Variants in FGF1 observed in about 807,000 individuals in gnomAD.
FGF1 encodes fibroblast growth factor 1.
Under a neutral mutation model 13.4 loss-of-function variants are expected in FGF1, and 9 were observed. The ratio of observed to expected loss-of-function variants is 0.67; its 90% CI spans 0.40 to 1.17. The LOEUF (loss-of-function observed/expected upper bound fraction) is 1.17. Among genes scored for constraint, FGF1 ranks in the 50% most tolerant of loss-of-function variants. FGF1 has a pLI of 0.01. For missense variants in FGF1, 156 were observed against 192.7 expected, an observed-to-expected ratio of 0.81 and a Z score of 1.13; for synonymous variants, 93 against 79.0, an observed-to-expected ratio of 1.18 and a Z score of -0.94.
At chr5:142,599,458 A>C (rs555275739) in intron 3 of FGF1, among the ~76,000 whole-genome samples, 1 of 152,156 alleles carries the variant, frequency 6.6e-6, no homozygotes, top group African/African-American at 2.4e-5. Context: ...ATTCGATGTA[A>C]GTTGAAGCTC....
intron 1 of FGF1, among the ~76,000 whole-genome samples, chr5:142,616,316 A>T (rs1190308687): frequency 6.6e-6 from 1 of 152,146 alleles, no homozygotes; most frequent in African/African-American, 2.4e-5. Context: ...CCCTGGTTTC[A>T]ACTAGTGTTG....
intron 3 of FGF1, among the ~76,000 whole-genome samples, chr5:142,599,222 C>T (rs1352127467): frequency 6.6e-6 from 1 of 152,204 alleles, no homozygotes; most frequent in Non-Finnish European, 1.5e-5. Context: ...TTTACTACCA[C>T]TTGGAAGAAC....
At chr5:142,616,047 T>C (rs925724692) in intron 1 of FGF1, among the ~76,000 whole-genome samples, 2 of 152,180 alleles carry the variant, frequency 1.3e-5, no homozygotes, top group East Asian at 3.9e-4. Flanking sequence ...CCCCAGCAGC[T>C]TCGTGAGCAT....
chr5:142,614,220 T>G lies in FGF1; in HGVS notation c.-34-59A>C, dbSNP rs561938115. On this transcript the variant is annotated intron_variant, in intron 1 of 3. Coordinates refer to ENST00000337706, the MANE Select transcript of FGF1 (RefSeq NM_000800.5). Reference sequence around the variant, plus strand: ...TTCCAGCAAAGGCACAAAATGCACTTTGAAGAGAGGAAGGACAGCTCCAGG... The same window carrying G: ...TTCCAGCAAAGGCACAAAATGCACTGTGAAGAGAGGAAGGACAGCTCCAGG... 5.2e-5 allele frequency: 72 copies of G among 1,393,792 alleles called. No individual in the cohort carries two copies. The East Asian group carries it at 1.5e-3, about 29-fold the overall frequency. 86.3% of individuals were successfully genotyped at this position (1,393,792 alleles called of 1,614,324 possible). A position where few individuals can be genotyped will look rare whatever the true frequency, so the allele number is the denominator to read the frequency against.
chr5:142,606,352 A>G (rs1430635202), intron 2 of FGF1, among the ~76,000 whole-genome samples: 1 of 151,874 alleles, frequency 6.6e-6, no homozygotes, highest in Non-Finnish European at 1.5e-5. Flanking sequence ...GATGAAAATC[A>G]TATTAAAAAA....
At chr5:142,600,988 G>A in intron 2 of FGF1, 183 bp from the exon 3 acceptor site, 1 of 633,194 alleles carries the variant, frequency 1.6e-6, no homozygotes, top group South Asian at 1.6e-5. Flanking sequence ...TCCAAAGAAA[G>A]CTGTCCATTG....
intron 1 of FGF1, among the ~76,000 whole-genome samples, chr5:142,642,768 T>A (rs1765402607): frequency 6.6e-6 from 1 of 152,134 alleles, no homozygotes; most frequent in African/African-American, 2.4e-5. Context: ...CTTTTTGAAA[T>A]ATGTTTGGCT....
intron 1 of FGF1, among the ~76,000 whole-genome samples, chr5:142,651,164 T>C (rs1453284201): frequency 6.6e-6 from 1 of 151,974 alleles, no homozygotes; most frequent in Non-Finnish European, 1.5e-5. Flanking sequence ...CCTGGTATCT[T>C]TCCTCCCTGG....
chr5:142,674,496 A>G (rs1772113343), intron 1 of FGF1, among the ~76,000 whole-genome samples: 1 of 152,206 alleles, frequency 6.6e-6, no homozygotes, highest in Admixed American at 6.5e-5. Flanking sequence ...CCCTAGTGTT[A>G]CTGTGCAAGT....
At chr5:142,687,433 A>G (rs973911605), upstream of FGF1, among the ~76,000 whole-genome samples, 2 of 152,254 alleles carry the variant, frequency 1.3e-5, no homozygotes, top group African/African-American at 2.4e-5. Context: ...ACGGATAAGC[A>G]GCAGCTCCCA....
At chr5:142,669,924 G>A (rs576017325) in intron 1 of FGF1, among the ~76,000 whole-genome samples, 2 of 152,262 alleles carry the variant, frequency 1.3e-5, no homozygotes, top group South Asian at 2.1e-4. Context: ...GGGGAGAAGA[G>A]GCACAGTCAG....
At chr5:142,634,361 G>A (rs553709041) in intron 1 of FGF1, among the ~76,000 whole-genome samples, 2 of 152,342 alleles carry the variant, frequency 1.3e-5, no homozygotes, top group East Asian at 3.9e-4. Context: ...TAAGAATCCA[G>A]CCAGTCTCCC....
chr5:142,684,299 A>G (rs1447174489), intron 1 of FGF1, among the ~76,000 whole-genome samples: 5 of 152,126 alleles, frequency 3.3e-5, no homozygotes, highest in Non-Finnish European at 4.4e-5. Context: ...GGTGCTACTC[A>G]CCTGTAAAGT....
chr5:142,612,763 C>A (rs1300448591), intron 2 of FGF1, among the ~76,000 whole-genome samples: 1 of 152,142 alleles, frequency 6.6e-6, no homozygotes, highest in Non-Finnish European at 1.5e-5. Context: ...TGCTCCTCAT[C>A]TCCAGGGTCT....
At chr5:142,667,643 C>A (rs1269943614) in intron 1 of FGF1, among the ~76,000 whole-genome samples, 1 of 151,672 alleles carries the variant, frequency 6.6e-6, no homozygotes, top group Non-Finnish European at 1.5e-5. Flanking sequence ...GGCTTTTAGT[C>A]CCTCGCAGGC....
intron 1 of FGF1, among the ~76,000 whole-genome samples, chr5:142,623,949 C>T (rs1490888590): frequency 5.3e-5 from 8 of 151,638 alleles, no homozygotes; most frequent in Non-Finnish European, 8.8e-5. Context: ...GACAGAGTTT[C>T]GCTCTTGTTG....
chr5:142,617,271 A>G (rs1760454527), intron 1 of FGF1, among the ~76,000 whole-genome samples: 1 of 152,164 alleles, frequency 6.6e-6, no homozygotes, highest in African/African-American at 2.4e-5. Flanking sequence ...AGGCTGAGGC[A>G]GGAGAATGGC....
chr5:142,636,148 C>T (rs1044749536), intron 1 of FGF1, among the ~76,000 whole-genome samples: 13 of 152,204 alleles, frequency 8.5e-5, no homozygotes, highest in Non-Finnish European at 1.5e-4. Flanking sequence ...TGCAGTGAGA[C>T]GGGAGGCACG....
intron 1 of FGF1, among the ~76,000 whole-genome samples, chr5:142,670,780 T>C (rs1241358322): frequency 6.6e-6 from 1 of 152,262 alleles, no homozygotes; most frequent in African/African-American, 2.4e-5. Flanking sequence ...CTGCAATTAA[T>C]GTCTCGGCCC....
Sources: allele counts gnomAD v4.1 joint callset (sites outside exome capture counted in the v4.1 genomes callset), GRCh38; gene constraint gnomAD v4.1.1; transcripts MANE v1.5; gene names NCBI Gene and HGNC (gene_info 2026-07-23, HGNC 2026-07-21).